Variants in SPG11 observed in about 807,000 individuals in gnomAD.
SPG11 encodes the protein spatacsin.
SPG11 carries 222 observed loss-of-function variants against 274.0 expected under a neutral mutation model. The ratio of observed to expected loss-of-function variants is 0.81; its 90% confidence interval spans 0.73 to 0.91. SPG11 has a LOEUF of 0.91. Among genes scored for constraint, SPG11 ranks in the 40% least tolerant of loss-of-function variants. SPG11 has a pLI of 0.00. For missense variants in SPG11, 3,114 were observed against 2,872.7 expected, an observed-to-expected ratio of 1.08 and a Z score of -1.92; for synonymous variants, 1,144 against 1,039.7, an observed-to-expected ratio of 1.10 and a Z score of -1.93.
rs181480911 is a variant in SPG11 at position 44,625,989 on chromosome 15, C to A, written c.2244+342G>T. Among the ~76,000 whole-genome samples the A allele has an allele frequency of 1.7e-3, 261 of 152,172 alleles. 2 individuals are homozygous for A. Among genetic ancestry groups the A allele is most frequent in the African/African-American group, 6.1e-3 (253 of 41,520 alleles). On this transcript the variant is annotated intron_variant, in intron 11 of 39. Transcript: ENST00000261866. ...GCCACCACGCCCGGCTCAGGTACTT[C>A]TTTATAGCAATATGAGAATGGACTA...
At chr15:44,640,297 A>C (rs1011966330) in intron 7 of SPG11, among the ~76,000 whole-genome samples, 2 of 152,232 alleles carry the variant, frequency 1.3e-5, no homozygotes, top group Non-Finnish European at 2.9e-5. Context: ...AATAATGGAA[A>C]AGATGCCAAG....
At chr15:44,662,319 C>T (rs2085135509) in intron 1 of SPG11, among the ~76,000 whole-genome samples, 1 of 152,056 alleles carries the variant, frequency 6.6e-6, no homozygotes, top group South Asian at 2.1e-4. Flanking sequence ...ATTAATAAGA[C>T]ACCTTTTGGC....
chr15:44,635,278 A>C (rs1045746455), intron 7 of SPG11, among the ~76,000 whole-genome samples: 11 of 151,334 alleles, frequency 7.3e-5, no homozygotes, highest in African/African-American at 2.4e-4. Context: ...TTACTGTCTG[A>C]TCCTTTACAA....
At position 44,573,635 on chromosome 15, in the gene SPG11, G is replaced by C. The variant is rs1273650868; in HGVS notation, c.6117C>G (p.Ile2039Met). The change falls in exon 32 of 40, where the codon ATC (isoleucine) becomes ATG (methionine). Residue 2039 changes from isoleucine (I) to methionine (M), a missense_variant. Ile to Met is a conservative substitution (Grantham distance 10). Transcript: ENST00000261866. ...PDRCKRAQAF[I>M]STQGLKPDTV... ...TATCTGGCTTAAGGCCCTGTGTGCT[G>C]ATGAAGGCCTGGGCTCGTTTGCATC... is the stretch of plus-strand genomic sequence containing the variant. 1 of 1,614,202 alleles carries C rather than the reference G, an allele frequency of 6.2e-7. No homozygotes were observed. Among genetic ancestry groups the C allele is most frequent in the South Asian group, 1.1e-5 (1 of 91,088 alleles).
At chr15:44,643,744 C>CA (rs1025591018) in intron 7 of SPG11, among the ~76,000 whole-genome samples, 13 of 151,592 alleles carry the variant, frequency 8.6e-5, no homozygotes, top group African/African-American at 2.9e-4. Context: ...GGTGAAAAGC[C>CA]AAAAAAACTG....
At position 44,659,293 on chromosome 15, in the gene SPG11, TAAGGA is replaced by T. The variant is rs2085033998; in HGVS notation, c.448_452del (p.Ser150IlefsTer11). 1 of 1,612,400 alleles carries T rather than the reference TAAGGA, an allele frequency of 6.2e-7. No homozygotes were observed. Among genetic ancestry groups the T allele is most frequent in the Non-Finnish European group, 8.5e-7 (1 of 1,178,546 alleles). ...GAAATGACAGGATTCTCAAAGACAA[TAAGGA>T]AATACCTACAAAACAAAAGGATATT... On this transcript the variant is annotated frameshift_variant, in exon 3 of 40. Transcript: ENST00000261866. LOFTEE classifies it high-confidence loss of function.
rs1203720300 is a variant in SPG11 at position 44,608,453 on chromosome 15, G to T, written c.3444C>A (p.His1148Gln). 1 of 1,614,110 alleles carries T rather than the reference G, an allele frequency of 6.2e-7. No homozygotes were observed. The highest frequency in any genetic ancestry group is 8.5e-7 in the Non-Finnish European group (1 of 1,179,998). The change falls in exon 19 of 40, where the codon CAC (histidine) becomes CAA (glutamine). Residue 1148 changes from histidine (H) to glutamine (Q), a missense_variant. His to Gln is a conservative substitution (Grantham distance 24). Coordinates refer to ENST00000261866, the MANE Select transcript of SPG11 (RefSeq NM_025137.4). ...CACCTAAATACTGTACCTGAATAAG[G>T]TGGTAGATTGTAATATCAGATGGCA... ...SVLPSDITIY[H>Q]LIQSLSPFDP...
chr15:44,614,907 T>C (rs997435423), intron 16 of SPG11, among the ~76,000 whole-genome samples: 2 of 152,220 alleles, frequency 1.3e-5, no homozygotes, highest in Admixed American at 6.5e-5. Flanking sequence ...ACTAATGTAT[T>C]GCTCTCTCTT....
chr15:44,660,459 G>A lies in SPG11; in HGVS notation c.415C>T (p.Gln139Ter). The A allele has an allele frequency of 1.2e-6, 2 of 1,613,934 alleles. No individual in the cohort carries two copies. Among genetic ancestry groups the A allele is most frequent in the Non-Finnish European group, 1.7e-6 (2 of 1,179,956 alleles). Residue 139 changes from glutamine (Q) to a stop codon, truncating the protein, a stop_gained, in exon 2 of 40, where the codon CAA becomes TAA. Transcript: ENST00000261866. LOFTEE classifies it high-confidence loss of function. ...ATATCTTGATCGTCAATGAGCTTTT[G>A]CAATGCCTCCCTACTACAGCTATAC... ...ILYSCSREAL[Q>*]KLIDDQDISI...
intron 11 of SPG11, among the ~76,000 whole-genome samples, chr15:44,624,524 G>A (rs2083844321): frequency 1.3e-5 from 2 of 152,120 alleles, no homozygotes; most frequent in African/African-American, 4.8e-5. Flanking sequence ...AAGGACTGTG[G>A]GGTAGGGGAA....
intron 27 of SPG11, chr15:44,590,284 T>C (rs1043051388): frequency 7.2e-5 from 11 of 152,232 alleles, no homozygotes; most frequent in African/African-American, 2.4e-4. Flanking sequence ...ATTTACATCA[T>C]TTCAACTGAA....
chr15:44,582,597 G>A (rs2082678388), intron 30 of SPG11, among the ~76,000 whole-genome samples: 1 of 151,992 alleles, frequency 6.6e-6, no homozygotes, highest in African/African-American at 2.4e-5. Context: ...CATTCCTCAT[G>A]AACATACATG....
At chr15:44,604,122 G>T in intron 20 of SPG11, 1 of 441,814 alleles carries the variant, frequency 2.3e-6, no homozygotes. Context: ...TGTTTTCAAA[G>T]TTCAAAGCTT....
At chr15:44,599,531 G>C (rs184295890) in intron 21 of SPG11, among the ~76,000 whole-genome samples, 1 of 151,978 alleles carries the variant, frequency 6.6e-6, no homozygotes, top group African/African-American at 2.4e-5. Flanking sequence ...AACTCCTGAG[G>C]TTGTGATCCG....
chr15:44,574,923 G>T lies in SPG11; in HGVS notation c.5985C>A (p.Leu1995=), dbSNP rs746087432. The T allele has an allele frequency of 6.2e-7, 1 of 1,614,046 alleles. No individual in the cohort carries two copies. Among genetic ancestry groups the T allele is most frequent in the South Asian group, 1.1e-5 (1 of 91,080 alleles). ...ATACCTTGGCAAGATCATACAGACA[G>T]AGGACCTGTCGACAGTAGTTCTTCC... The part of the protein sequence containing the change: ...LHGKNYCRQV[L]CLYDLAKELG... The change falls in exon 31 of 40, where the codon CTC becomes CTA. Residue 1995 remains leucine, a synonymous_variant. Coordinates refer to ENST00000261866, the MANE Select transcript of SPG11 (RefSeq NM_025137.4).
Position 44,572,685 on chromosome 15 carries a change from C to CA in SPG11, c.6340dup (p.Cys2114LeufsTer35). On this transcript the variant is annotated frameshift_variant, in exon 33 of 40. Coordinates refer to ENST00000261866, the MANE Select transcript of SPG11 (RefSeq NM_025137.4). LOFTEE classifies it high-confidence loss of function. ...TAAGAAAAAGGTCAATAACTTACTG[C>CA]AAGACAGTTCCCCATGGGGAACGGA... The CA allele has an allele frequency of 1.9e-6, 3 of 1,614,160 alleles. No homozygotes were observed. Among genetic ancestry groups the CA allele is most frequent in the Non-Finnish European group, 2.5e-6 (3 of 1,180,016 alleles).
chr15:44,620,284 G>C lies in SPG11; in HGVS notation c.2740C>G (p.Gln914Glu). 6.2e-7 allele frequency: 1 copy of C among 1,613,954 alleles called. No homozygotes were observed. The highest frequency in any genetic ancestry group is 8.5e-7 in the Non-Finnish European group (1 of 1,179,898). The change falls in exon 15 of 40, where the codon CAG becomes GAG. Residue 914 changes from glutamine to glutamate, a missense_variant. Coordinates refer to ENST00000261866, the MANE Select transcript of SPG11 (RefSeq NM_025137.4). ...ACAGTCAGAAGGGGCCATTTGTTCT[G>C]CTGAAGTGAAGCATAACTATGCTGG... ...QTQHSYASLQ[Q>E]NKWPLLTVDV...
chr15:44,604,106 T>TG, intron 20 of SPG11: 1 of 431,610 alleles, frequency 2.3e-6, no homozygotes, highest in Non-Finnish European at 4.6e-6. Flanking sequence ...ACAGTGTACC[T>TG]GCTCTTGTTT....
chr15:44,638,390 G>T (rs2084339912), intron 7 of SPG11, among the ~76,000 whole-genome samples: 1 of 152,090 alleles, frequency 6.6e-6, no homozygotes, highest in Admixed American at 6.6e-5. Context: ...AACACAGGAG[G>T]TGGAGGCTAC....
Sources: allele counts gnomAD v4.1 joint callset (sites outside exome capture counted in the v4.1 genomes callset), GRCh38; gene constraint gnomAD v4.1.1; transcripts MANE v1.5; gene names NCBI Gene and HGNC (gene_info 2026-07-23, HGNC 2026-07-21).